Variants in ENPP6 observed in about 807,000 individuals in gnomAD.
ENPP6 encodes glycerophosphocholine cholinephosphodiesterase ENPP6.
A neutral mutation model predicts 42.0 loss-of-function variants in ENPP6; 32 were observed. The observed-to-expected ratio is 0.76, with a 90% CI of 0.58 to 1.02. The LOEUF (loss-of-function observed/expected upper bound fraction) is 1.02, where lower values mean the gene tolerates loss of function less well. Ranked by LOEUF, ENPP6 falls within the 50% of genes least tolerant of loss-of-function variation. The pLI, the probability that ENPP6 is intolerant of heterozygous loss-of-function variation, is 0.00. For synonymous variants in ENPP6, 213 were observed against 216.0 expected, an observed-to-expected ratio of 0.99 and a Z score of 0.12; for missense variants, 552 against 566.8, an observed-to-expected ratio of 0.97 and a Z score of 0.27.
intron 3 of ENPP6, among the ~76,000 whole-genome samples, chr4:184,123,001 T>C (rs1736444366): frequency 6.6e-6 from 1 of 152,206 alleles, no homozygotes; most frequent in Non-Finnish European, 1.5e-5. Context: ...GGGCAATTAT[T>C]TCTCCATTTC....
intron 1 of ENPP6, among the ~76,000 whole-genome samples, chr4:184,165,468 C>A (rs1560998500): frequency 6.6e-6 from 1 of 152,196 alleles, no homozygotes; most frequent in Non-Finnish European, 1.5e-5. Context: ...GGTGTAGCCT[C>A]ATCAGTTCAC....
At chr4:184,109,272 T>C (rs1023670467) in intron 6 of ENPP6, among the ~76,000 whole-genome samples, 2 of 151,896 alleles carry the variant, frequency 1.3e-5, no homozygotes, top group African/African-American at 4.8e-5. Flanking sequence ...GAACTAACAA[T>C]ATCCATGATG....
chr4:184,171,803 C>T (rs925363918), intron 1 of ENPP6, among the ~76,000 whole-genome samples: 1 of 151,272 alleles, frequency 6.6e-6, no homozygotes, highest in Non-Finnish European at 1.5e-5. Context: ...TTTTTTAAAC[C>T]CCAGTGTATC....
intron 2 of ENPP6, among the ~76,000 whole-genome samples, chr4:184,141,824 C>T (rs1579631707): frequency 6.6e-6 from 1 of 152,136 alleles, no homozygotes; most frequent in South Asian, 2.1e-4. Context: ...ATAACTTCCA[C>T]CCATTAGAAA....
chr4:184,214,191 GTAAC>G (rs1490889485), intron 1 of ENPP6, among the ~76,000 whole-genome samples: 2 of 149,156 alleles, frequency 1.3e-5, no homozygotes, highest in Non-Finnish European at 3.0e-5. Context: ...GTATACATAT[GTAAC>G]TAACCTGCAC....
intron 1 of ENPP6, among the ~76,000 whole-genome samples, chr4:184,188,167 T>G (rs1732663350): frequency 6.6e-6 from 1 of 152,206 alleles, no homozygotes; most frequent in Non-Finnish European, 1.5e-5. Context: ...GCCCATGGGT[T>G]GAACAAACCC....
rs1299285167 is a variant in ENPP6, at chr4:184,091,232, G to C, written c.1268C>G (p.Pro423Arg). 17 of 1,590,856 alleles carry C rather than the reference G, an allele frequency of 1.1e-5. No homozygotes were observed. The highest frequency in any genetic ancestry group is 1.4e-5 in the Non-Finnish European group (16 of 1,168,542). The change falls in exon 8 of 8, where the codon CCT becomes CGT. Residue 423 changes from proline to arginine, a missense_variant. Physicochemically the swap from Pro to Arg is moderately radical, Grantham distance 103. Around this residue, in one of 2 missense-constraint regions of ENPP6, gnomAD observed 545 missense variants for 546.3 expected, o/e 1.00. Transcript: ENST00000296741. ...MLKGRASTAPPVWPSHCALAL... is the reference protein window; with the variant it reads ...MLKGRASTAPRVWPSHCALAL... ...CAGGGCACAGTGGCTGGGCCAGACA[G>C]GCGGGGCAGTGCTGGCGCGGCCCTT...
rs1389332955 is a variant in ENPP6 at position 184,206,707 on chromosome 4, T to C, written c.241+10872A>G. Among the ~76,000 whole-genome samples, 4 of 152,216 alleles carry C rather than the reference T, an allele frequency of 2.6e-5. No individual in the cohort carries two copies. The East Asian group carries it at 7.7e-4, about 29-fold the overall frequency. On this transcript the variant is annotated intron_variant, in intron 1 of 7. Coordinates refer to ENST00000296741, the MANE Select transcript of ENPP6 (RefSeq NM_153343.4). ...GGGTGGTAGGAAGTATACCTTACTC[T>C]GCTGTTTTACCCCAGAACATGATAT...
rs1732733702 is a variant in ENPP6 at position 184,193,258 on chromosome 4, A to C, written c.241+24321T>G. On this transcript the variant is annotated intron_variant, in intron 1 of 7. Transcript: ENST00000296741. The stretch of plus-strand genomic sequence containing the variant: ...CCAAATGTTCATCGATTGGTGAATG[A>C]ATAAGCAAAATGTGGCCTATCCACA... Among the ~76,000 whole-genome samples the C allele has an allele frequency of 2.6e-5, 4 of 152,378 alleles. No homozygotes were observed. In the South Asian group the frequency reaches 8.3e-4, roughly 32 times the overall value.
intron 1 of ENPP6, among the ~76,000 whole-genome samples, chr4:184,162,047 T>C (rs533757957): frequency 7.2e-5 from 11 of 151,892 alleles, no homozygotes; most frequent in African/African-American, 2.7e-4. Context: ...AAAAAAGGCA[T>C]CCAAGGTATC....
chr4:184,197,418 G>A (rs1217698831), intron 1 of ENPP6, among the ~76,000 whole-genome samples: 2 of 152,222 alleles, frequency 1.3e-5, no homozygotes, highest in Non-Finnish European at 2.9e-5. Context: ...GAATAAGGTC[G>A]AGAGCTCAGG....
Position 184,097,244 on chromosome 4 carries a change from C to A in ENPP6, c.1117+1G>T. ...GAGCATCTGGTCATTTCCTCGCCTA[C>A]CAGGTCCGAAGGCCAGGAAGATGCC... On this transcript the variant is annotated splice_donor_variant, in intron 7 of 7. Transcript: ENST00000296741. LOFTEE classifies it high-confidence loss of function. The A allele has an allele frequency of 6.2e-7, 1 of 1,614,190 alleles. No homozygotes were observed. The highest frequency in any genetic ancestry group is 8.5e-7 in the Non-Finnish European group (1 of 1,180,014).
chr4:184,130,437 A>G (rs1168414257), intron 2 of ENPP6, among the ~76,000 whole-genome samples: 1 of 99,740 alleles, frequency 1.0e-5, no homozygotes, highest in Admixed American at 9.0e-5. Flanking sequence ...GGGCACCTGT[A>G]GTCCCAGCTA....
intron 6 of ENPP6, among the ~76,000 whole-genome samples, 200 bp from the exon 7 acceptor site, chr4:184,097,568 G>T (rs954811934): frequency 6.6e-6 from 1 of 152,166 alleles, no homozygotes. Flanking sequence ...ATTGCTAAGC[G>T]CTGTGGTTAA....
intron 1 of ENPP6, among the ~76,000 whole-genome samples, chr4:184,196,124 C>T (rs1732791548): frequency 1.3e-5 from 2 of 152,244 alleles, no homozygotes; most frequent in African/African-American, 4.8e-5. Flanking sequence ...GTCACCCCAT[C>T]TCTGCCCCTT....
intron 1 of ENPP6, among the ~76,000 whole-genome samples, chr4:184,157,074 T>C (rs1171962533): frequency 6.6e-6 from 1 of 152,238 alleles, no homozygotes; most frequent in Non-Finnish European, 1.5e-5. Flanking sequence ...TCCTGCTAAG[T>C]CAGTTTAGTG....
chr4:184,169,693 T>C (rs1737426073), intron 1 of ENPP6, among the ~76,000 whole-genome samples: 1 of 152,244 alleles, frequency 6.6e-6, no homozygotes. Context: ...TTGAGGCTTC[T>C]GAGTACTGGG....
chr4:184,129,578 T>G (rs746862539), intron 2 of ENPP6, among the ~76,000 whole-genome samples: 3 of 152,222 alleles, frequency 2.0e-5, no homozygotes, highest in Admixed American at 2.0e-4. Context: ...ATGGTCTACA[T>G]GCTTTGCCTA....
intron 1 of ENPP6, among the ~76,000 whole-genome samples, chr4:184,188,668 AC>A (rs1195636190): frequency 6.6e-6 from 1 of 152,128 alleles, no homozygotes; most frequent in Non-Finnish European, 1.5e-5. Context: ...AGATTTATGA[AC>A]AGTTTAGCTG....
Sources: gnomAD v4.1 joint callset for allele counts (sites outside exome capture counted in the v4.1 genomes callset) on GRCh38, gnomAD v4.1.1 for gene constraint, gnomAD v4.1.1 regional missense constraint, MANE v1.5 for transcripts, NCBI Gene and HGNC (gene_info 2026-07-23, HGNC 2026-07-21) for gene names.